Variants in CADPS2 observed in about 807,000 individuals in gnomAD.
The protein encoded by CADPS2 is calcium dependent secretion activator 2.
Under a neutral mutation model 172.5 loss-of-function variants are expected in CADPS2, and 93 were observed. The observed-to-expected ratio is 0.54, with a 90% CI of 0.46 to 0.64. The LOEUF is 0.64. Ranked by LOEUF, CADPS2 falls within the 30% of genes least tolerant of loss-of-function variation. The pLI is 0.00. For synonymous variants in CADPS2, 546 were observed against 555.2 expected (o/e 0.98, Z 0.23); for missense variants, 1,420 against 1,565.9 (o/e 0.91, Z 1.57).
chr7:122,667,830 A>G (rs1197615140), intron 2 of CADPS2, among the ~76,000 whole-genome samples: 3 of 152,150 alleles, frequency 2.0e-5, no homozygotes, highest in African/African-American at 7.2e-5. Context: ...TAAAAGAACA[A>G]CAGCAATAAA....
At chr7:122,645,362 T>C (rs1443479874) in intron 3 of CADPS2, among the ~76,000 whole-genome samples, 1 of 109,010 alleles carries the variant, frequency 9.2e-6, no homozygotes, top group African/African-American at 3.0e-5. Context: ...TGTATACATG[T>C]ACATGTATAC....
intron 4 of CADPS2, among the ~76,000 whole-genome samples, chr7:122,626,711 T>C (rs1263102741): frequency 6.6e-6 from 1 of 152,156 alleles, no homozygotes; most frequent in African/African-American, 2.4e-5. Context: ...TTTATCCCAA[T>C]GTATCCCAAG....
At chr7:122,647,353 C>A (rs1412057297) in intron 3 of CADPS2, among the ~76,000 whole-genome samples, 2 of 152,128 alleles carry the variant, frequency 1.3e-5, no homozygotes, top group African/African-American at 4.8e-5. Flanking sequence ...AGAGAGTACA[C>A]AAACTTTTGA....
chr7:122,513,433 AG>A, intron 8 of CADPS2, 118 bp from the exon 9 acceptor site: 1 of 756,524 alleles, frequency 1.3e-6, no homozygotes, highest in Non-Finnish European at 2.2e-6. Flanking sequence ...GGCAAAGTTT[AG>A]CTCATTTGGA....
chr7:122,518,609 G>C (rs947708074), intron 8 of CADPS2, among the ~76,000 whole-genome samples: 1 of 152,002 alleles, frequency 6.6e-6, no homozygotes, highest in Non-Finnish European at 1.5e-5. Flanking sequence ...TTGCTAGCGG[G>C]TCTATGCTGC....
At chr7:122,472,415 T>C (rs1227014132) in intron 13 of CADPS2, among the ~76,000 whole-genome samples, 1 of 152,132 alleles carries the variant, frequency 6.6e-6, no homozygotes, top group Non-Finnish European at 1.5e-5. Flanking sequence ...ATGCTTTCCA[T>C]GTTGAAGATA....
intron 3 of CADPS2, among the ~76,000 whole-genome samples, chr7:122,646,463 C>A (rs1162353166): frequency 1.3e-5 from 2 of 151,870 alleles, no homozygotes; most frequent in African/African-American, 4.8e-5. Context: ...GACACAGGGG[C>A]AGGAAGGCTT....
Position 122,326,636 on chromosome 7 carries a change from T to G in CADPS2, c.3613-1055A>C, listed in dbSNP as rs549472685. ...ACATAATGACAGTCCAGATCACATATGTGTGTGCATACGTTCTAAAGAATT... is the reference window on the plus strand; with the variant it reads ...ACATAATGACAGTCCAGATCACATAGGTGTGTGCATACGTTCTAAAGAATT... On this transcript the variant is annotated intron_variant, in intron 28 of 29. Coordinates refer to ENST00000449022, the MANE Select transcript of CADPS2 (RefSeq NM_017954.11). Among the ~76,000 whole-genome samples the G allele has an allele frequency of 2.0e-5, 3 of 152,120 alleles. No individual in the cohort carries two copies. In the South Asian group the frequency reaches 6.2e-4, roughly 32 times the overall value.
intron 9 of CADPS2, among the ~76,000 whole-genome samples, chr7:122,508,449 G>GTTTTTT (rs1205155217): frequency 2.8e-4 from 19 of 68,434 alleles, no homozygotes; most frequent in Non-Finnish European, 4.3e-4. Context: ...ATTCATTTAA[G>GTTTTTT]TTTTTTTTTT....
At chr7:122,787,593 G>T (rs184717586) in intron 1 of CADPS2, among the ~76,000 whole-genome samples, 1 of 152,062 alleles carries the variant, frequency 6.6e-6, no homozygotes, top group Non-Finnish European at 1.5e-5. Context: ...ATCCATCTCC[G>T]CCAATAGACA....
intron 6 of CADPS2, among the ~76,000 whole-genome samples, chr7:122,613,870 A>G (rs1013881304): frequency 5.9e-5 from 9 of 152,074 alleles, no homozygotes; most frequent in African/African-American, 2.2e-4. Context: ...TAAATAGGAT[A>G]AGATGTTTTG....
rs1202458519 is a variant in CADPS2 at position 122,645,370 on chromosome 7, T to TAC, written c.787-16044_787-16043dup. ...ATGTGTGTGTATACATGTACATGTA[T>TAC]ACACACATATGTACATGTGTGTGTA... On this transcript the variant is annotated intron_variant, in intron 3 of 29. Coordinates refer to ENST00000449022, the MANE Select transcript of CADPS2 (RefSeq NM_017954.11). 6.4e-5 allele frequency among the ~76,000 whole-genome samples: 7 copies of TAC among 109,778 alleles called. 1 individual carries two copies. The highest frequency in any genetic ancestry group is 1.8e-4 in the African/African-American group (6 of 33,094). The allele number at this position is 109,778 out of a possible 152,430, so 72.0% of individuals were successfully genotyped here. A position where few individuals can be genotyped will look rare whatever the true frequency, so the allele number is the denominator to read the frequency against.
intron 2 of CADPS2, among the ~76,000 whole-genome samples, chr7:122,725,388 T>C (rs567332643): frequency 1.3e-5 from 2 of 151,870 alleles, no homozygotes; most frequent in East Asian, 1.9e-4. Context: ...TGTGTATATG[T>C]GGATGGATGG....
intron 1 of CADPS2, among the ~76,000 whole-genome samples, chr7:122,820,493 G>A (rs1470661772): frequency 1.3e-5 from 2 of 148,416 alleles, no homozygotes; most frequent in Non-Finnish European, 3.0e-5. Flanking sequence ...TTACACAAGA[G>A]CCAGGACCAC....
chr7:122,349,887 C>T (rs953995500), intron 27 of CADPS2, among the ~76,000 whole-genome samples: 5 of 152,154 alleles, frequency 3.3e-5, no homozygotes, highest in Admixed American at 1.3e-4. Context: ...TCATTTTTCA[C>T]GGCAACAGAT....
intron 6 of CADPS2, among the ~76,000 whole-genome samples, chr7:122,598,708 T>A (rs2072282630): frequency 6.6e-6 from 1 of 152,144 alleles, no homozygotes; most frequent in Admixed American, 6.6e-5. Flanking sequence ...GTCCTCCCTA[T>A]AGAAGCACTC....
chr7:122,414,147 A>T (rs2047620759), intron 18 of CADPS2, 71 bp from the exon 19 acceptor site: 14 of 1,182,496 alleles, frequency 1.2e-5, no homozygotes, highest in Admixed American at 8.1e-5. Flanking sequence ...AACATCTTTA[A>T]AAAAGGTCAT....
At chr7:122,779,978 A>G (rs564287620) in intron 1 of CADPS2, among the ~76,000 whole-genome samples, 6 of 152,130 alleles carry the variant, frequency 3.9e-5, no homozygotes, top group Non-Finnish European at 8.8e-5. Context: ...ATGCTAAAAA[A>G]TTCCTCAAAG....
At chr7:122,588,272 A>C (rs1239249101) in intron 6 of CADPS2, among the ~76,000 whole-genome samples, 1 of 151,788 alleles carries the variant, frequency 6.6e-6, no homozygotes, top group Non-Finnish European at 1.5e-5. Context: ...CAATTTTATC[A>C]TGAAATCTTT....
Sources: allele counts gnomAD v4.1 joint callset (sites outside exome capture counted in the v4.1 genomes callset), GRCh38; gene constraint gnomAD v4.1.1; transcripts MANE v1.5; gene names NCBI Gene and HGNC (gene_info 2026-07-23, HGNC 2026-07-21).